TSHZ2: variants seen among roughly 807,000 people sequenced by gnomAD.
The protein encoded by TSHZ2 is teashirt homolog 2.
In TSHZ2, 21 loss-of-function variants were observed where a neutral mutation model predicts 74.4. That is an observed-to-expected ratio of 0.28 (90% CI 0.20 to 0.41). The LOEUF is 0.41. TSHZ2 is among the 10% of genes least tolerant of loss of function. The probability of loss-of-function intolerance (pLI) is 1.00; values close to 1 mark genes in which losing one functional copy is unlikely to be tolerated. For missense variants in TSHZ2, 1,244 were observed against 1,293.5 expected (o/e 0.96, Z 0.59); for synonymous variants, 540 against 515.3 (o/e 1.05, Z -0.65).
chr20:53,009,159 G>T (rs2426455), intron 1 of TSHZ2, among the ~76,000 whole-genome samples: 61,338 of 151,438 alleles, frequency 0.41, 13,009 homozygotes, highest in Non-Finnish European at 0.49. Context: ...GAGACCAATC[G>T]CTACAAAAAA....
At position 53,409,834 on chromosome 20, in the gene TSHZ2, C is replaced by CTTTTTT. The variant is rs71194475; in HGVS notation, c.*9-77285_*9-77280dup. Among the ~76,000 whole-genome samples, 150 of 49,368 alleles carry CTTTTTT rather than the reference C, an allele frequency of 3.0e-3. 3 individuals are homozygous for CTTTTTT. Among genetic ancestry groups the CTTTTTT allele is most frequent in the South Asian group, 6.0e-3 (5 of 838 alleles). 32.4% of individuals were successfully genotyped at this position (49,368 alleles called of 152,430 possible). ...AGAATTCACATCTTTGTTTTCTTTT[C>CTTTTTT]TTTTTTTTTTTTTTTTTTTTTTTTT... is the stretch of plus-strand genomic sequence containing the variant. On this transcript the variant is annotated intron_variant, in intron 2 of 2. Coordinates refer to ENST00000371497, the MANE Select transcript of TSHZ2 (RefSeq NM_173485.6).
At chr20:53,345,844 A>C (rs371661763) in intron 2 of TSHZ2, among the ~76,000 whole-genome samples, 14 of 151,242 alleles carry the variant, frequency 9.3e-5, no homozygotes, top group African/African-American at 3.4e-4. Context: ...TGCTGATTTC[A>C]GGGAGTTCAT....
chr20:53,196,839 T>C (rs1327588705), intron 1 of TSHZ2, among the ~76,000 whole-genome samples: 2 of 152,278 alleles, frequency 1.3e-5, no homozygotes, highest in African/African-American at 4.8e-5. Flanking sequence ...AGATTTGCCA[T>C]GGTGGCAAAT....
intron 1 of TSHZ2, among the ~76,000 whole-genome samples, chr20:53,039,659 A>G (rs1239732055): frequency 6.6e-6 from 1 of 152,172 alleles, no homozygotes; most frequent in African/African-American, 2.4e-5. Flanking sequence ...AGGCACCTGT[A>G]ATTCCAGCTA....
intron 2 of TSHZ2, among the ~76,000 whole-genome samples, chr20:53,485,059 G>C (rs1600674878): frequency 1.3e-5 from 2 of 152,116 alleles, no homozygotes; most frequent in Non-Finnish European, 2.9e-5. Context: ...TTTCCACACA[G>C]TAATCCAGAG....
intron 1 of TSHZ2, among the ~76,000 whole-genome samples, chr20:53,023,631 GCTTTTTGT>G (rs1568724150): frequency 3.4e-4 from 6 of 17,402 alleles, no homozygotes; most frequent in Non-Finnish European, 7.9e-4. Flanking sequence ...TTTTTTTTTT[GCTTTTTGT>G]TTTTTATGAG....
At chr20:53,190,085 A>AT (rs1988691711) in intron 1 of TSHZ2, among the ~76,000 whole-genome samples, 1 of 69,650 alleles carries the variant, frequency 1.4e-5, no homozygotes, top group Non-Finnish European at 2.8e-5. Flanking sequence ...ACCCTGTCTC[A>AT]AATATATATA....
chr20:53,463,149 G>A (rs957479185), intron 2 of TSHZ2, among the ~76,000 whole-genome samples: 4 of 152,202 alleles, frequency 2.6e-5, no homozygotes, highest in African/African-American at 9.7e-5. Flanking sequence ...CATAAGATTT[G>A]CTGCCTTTAT....
intron 2 of TSHZ2, among the ~76,000 whole-genome samples, chr20:53,287,923 C>A (rs1991199780): frequency 1.3e-5 from 2 of 152,136 alleles, no homozygotes; most frequent in South Asian, 4.1e-4. Flanking sequence ...TTTCAAATCT[C>A]TTCCTGACAT....
chr20:53,395,996 C>T (rs936440277), intron 2 of TSHZ2, among the ~76,000 whole-genome samples: 8 of 152,154 alleles, frequency 5.3e-5, no homozygotes, highest in African/African-American at 1.4e-4. Context: ...AGTGCAGTGG[C>T]GCGATCTCGG....
At chr20:53,052,616 T>C (rs1457732379) in intron 1 of TSHZ2, among the ~76,000 whole-genome samples, 1 of 152,232 alleles carries the variant, frequency 6.6e-6, no homozygotes, top group Non-Finnish European at 1.5e-5. Flanking sequence ...TGATAACATG[T>C]ATCAGAATTT....
chr20:53,062,512 A>G (rs1417477590), intron 1 of TSHZ2, among the ~76,000 whole-genome samples: 4 of 152,222 alleles, frequency 2.6e-5, no homozygotes, highest in African/African-American at 9.6e-5. Flanking sequence ...TACAAGTGTT[A>G]GTGTTTCTTG....
intron 2 of TSHZ2, among the ~76,000 whole-genome samples, chr20:53,269,072 C>T (rs1365298379): frequency 1.3e-5 from 2 of 151,896 alleles, no homozygotes; most frequent in Admixed American, 1.3e-4. Context: ...AGCAAATGTC[C>T]TTGCAGCCCT....
intron 1 of TSHZ2, among the ~76,000 whole-genome samples, chr20:53,155,887 C>G (rs1334838005): frequency 1.3e-5 from 2 of 152,088 alleles, no homozygotes; most frequent in African/African-American, 4.8e-5. Context: ...AAACTTGTAG[C>G]CTACAAGACA....
At chr20:53,293,016 G>A (rs1991309874) in intron 2 of TSHZ2, among the ~76,000 whole-genome samples, 1 of 152,170 alleles carries the variant, frequency 6.6e-6, no homozygotes, top group Non-Finnish European at 1.5e-5. Context: ...TTAATTAGGT[G>A]GGTAGGGAGT....
At chr20:53,173,838 G>A (rs1988260301) in intron 1 of TSHZ2, among the ~76,000 whole-genome samples, 1 of 152,170 alleles carries the variant, frequency 6.6e-6, no homozygotes, top group South Asian at 2.1e-4. Context: ...GGGGCTGCCA[G>A]GAAGGTGTGT....
At chr20:53,359,500 A>T (rs1325836030) in intron 2 of TSHZ2, among the ~76,000 whole-genome samples, 1 of 152,208 alleles carries the variant, frequency 6.6e-6, no homozygotes, top group Non-Finnish European at 1.5e-5. Context: ...GTTTATCTGA[A>T]ACTCACATTT....
At chr20:53,201,735 AC>A (rs1317306447) in intron 1 of TSHZ2, among the ~76,000 whole-genome samples, 1 of 151,944 alleles carries the variant, frequency 6.6e-6, no homozygotes. Context: ...TTTGATCCAC[AC>A]CCTTTTTTGC....
chr20:53,395,675 C>A (rs1982418698), intron 2 of TSHZ2, among the ~76,000 whole-genome samples: 2 of 152,192 alleles, frequency 1.3e-5, no homozygotes, highest in South Asian at 4.1e-4. Context: ...GTCCAAGAGA[C>A]AGGACTTGTA....
Sources: allele counts gnomAD v4.1 joint callset (sites outside exome capture counted in the v4.1 genomes callset), GRCh38; gene constraint gnomAD v4.1.1; transcripts MANE v1.5; gene names NCBI Gene and HGNC (gene_info 2026-07-23, HGNC 2026-07-21).